Variants in ZNF316 observed in about 807,000 individuals in gnomAD.
ZNF316 encodes the protein zinc finger protein 316.
A neutral mutation model predicts 75.6 loss-of-function variants in ZNF316; 23 were observed. The ratio of observed to expected loss-of-function variants is 0.30; its 90% CI spans 0.22 to 0.43. The LOEUF is 0.43. ZNF316 is among the 20% of genes least tolerant of loss of function. ZNF316 has a pLI of 1.00. For synonymous variants in ZNF316, 827 were observed against 666.2 expected (o/e 1.24, Z -3.72); for missense variants, 1,266 against 1,409.4 (o/e 0.90, Z 1.63).
rs1283069297 is a variant in ZNF316, at chr7:6,657,618, G to T, written c.*3007G>T. ...GGCCAAGGCGGATCCCTTGAGCTCA[G>T]ATGGATTCCTTGAGCTCAGGAGTTC... On this transcript the variant is annotated 3_prime_UTR_variant, in exon 9 of 9. Coordinates refer to ENST00000382252, the MANE Select transcript of ZNF316 (RefSeq NM_001278559.2). 1.3e-5 allele frequency among the ~76,000 whole-genome samples: 2 copies of T among 152,036 alleles called. No homozygotes were observed. The highest frequency in any genetic ancestry group is 4.8e-5 in the African/African-American group (2 of 41,366).
intron 8 of ZNF316, among the ~76,000 whole-genome samples, chr7:6,645,424 C>T (rs1464414049): frequency 2.0e-5 from 3 of 152,188 alleles, no homozygotes; most frequent in Non-Finnish European, 4.4e-5. Context: ...TGGCTCATGC[C>T]TATAATCCCA....
rs1186607953 is a variant in ZNF316, at chr7:6,653,151, C to T, written c.1555C>T (p.Arg519Trp). 52 of 1,181,832 alleles carry T rather than the reference C, an allele frequency of 4.4e-5. No individual in the cohort carries two copies. The East Asian group carries it at 7.0e-4, about 16-fold the overall frequency. The allele number at this position is 1,181,832 out of a possible 1,614,324, so 73.2% of individuals were successfully genotyped here. Residue 519 changes from arginine to tryptophan, a missense_variant, in exon 9 of 9, where the codon CGG (arginine) becomes TGG (tryptophan). By Grantham distance (101) the Arg-to-Trp change is moderately radical. Transcript: ENST00000382252. ...GGAGGCGGGTGGTGACGGCCCCCGG[C>T]GGGAGCCCGGCGAGACGGCGGCCGC... ...CAEAGGDGPR[R>W]EPGETAAAAG...
In ZNF316 at chr7:6,655,145, G is replaced by A. The variant is rs2462660; in HGVS notation, c.*534G>A. The stretch of plus-strand genomic sequence containing the variant: ...TCCCGAAGGTTTAACTGCGCGCGGC[G>A]AGGGGAGGCCTTGTAGGTTTCCAAA... On this transcript the variant is annotated 3_prime_UTR_variant, in exon 9 of 9. Coordinates refer to ENST00000382252, the MANE Select transcript of ZNF316 (RefSeq NM_001278559.2). The A allele has an allele frequency of 0.24, 36,918 of 152,236 alleles. 5,383 individuals are homozygous for A. The highest frequency in any genetic ancestry group is 0.63 in the East Asian group (3,269 of 5,154). 9.4% of individuals were successfully genotyped at this position (152,236 alleles called of 1,614,324 possible). A position where few individuals can be genotyped will look rare whatever the true frequency, so the allele number is the denominator to read the frequency against.
chr7:6,642,233 C>T lies in ZNF316; in HGVS notation c.-28-149C>T, dbSNP rs915657335. ...TGCAGGGTAAGATCGTGGGAAGGCC[C>T]GGTCCTCCCTCATCTCCATTGCCTT... On this transcript the variant is annotated intron_variant, in intron 4 of 8. Transcript: ENST00000382252. The surrounding 1 kb of genome is among the most constrained non-coding windows in gnomAD (Gnocchi z 8.1). The T allele has an allele frequency of 1.2e-5, 5 of 404,920 alleles. No individual in the cohort carries two copies. The highest frequency in any genetic ancestry group is 1.4e-4 in the South Asian group (1 of 7,132). The allele number at this position is 404,920 out of a possible 1,614,324, so 25.1% of individuals were successfully genotyped here.
In ZNF316 at chr7:6,652,521, G is replaced by T; in HGVS notation, c.925G>T (p.Asp309Tyr). The T allele has an allele frequency of 8.1e-7, 1 of 1,231,206 alleles. No individual in the cohort carries two copies. Among genetic ancestry groups the T allele is most frequent in the Non-Finnish European group, 1.0e-6 (1 of 987,570 alleles). The allele number at this position is 1,231,206 out of a possible 1,614,324, so 76.3% of individuals were successfully genotyped here. The change falls in exon 9 of 9, where the codon GAC becomes TAC. Residue 309 changes from aspartate to tyrosine, a missense_variant. By Grantham distance (160) the Asp-to-Tyr change is radical. Around this residue, in one of 3 missense-constraint regions of ZNF316, gnomAD observed 961 missense variants for 990.9 expected, o/e 0.97. Coordinates refer to ENST00000382252, the MANE Select transcript of ZNF316 (RefSeq NM_001278559.2). ...CCCAGGCGGCCTGGGGGTCCTGGCC[G>T]ACGGCTCTGAAGCGAAGCCTTTCCT... is the stretch of plus-strand genomic sequence containing the variant. ...PDPGGLGVLA[D>Y]GSEAKPFLPG...
Position 6,652,358 on chromosome 7 carries a change from C to G in ZNF316, c.762C>G (p.Asp254Glu). The G allele has an allele frequency of 2.4e-6, 3 of 1,232,432 alleles. No homozygotes were observed. The highest frequency in any genetic ancestry group is 3.0e-6 in the Non-Finnish European group (3 of 988,128). The allele number at this position is 1,232,432 out of a possible 1,614,324, so 76.3% of individuals were successfully genotyped here. A position where few individuals can be genotyped will look rare whatever the true frequency, so the allele number is the denominator to read the frequency against. Reference sequence around the variant, plus strand: ...ACCACGAGGAGGAAGACGACGAGGACTTCCTGGCGGAGGTGGCCGAGGAGG... The same window carrying G: ...ACCACGAGGAGGAAGACGACGAGGAGTTCCTGGCGGAGGTGGCCGAGGAGG... ...IEDHEEEDDE[D>E]FLAEVAEEEN... The change falls in exon 9 of 9, where the codon GAC becomes GAG. Residue 254 changes from aspartate (D) to glutamate (E), a missense_variant. By Grantham distance (45) the Asp-to-Glu change is conservative. Transcript: ENST00000382252.
chr7:6,654,768 C>A lies in ZNF316; in HGVS notation c.*157C>A. On this transcript the variant is annotated 3_prime_UTR_variant, in exon 9 of 9. Transcript: ENST00000382252. ...GCCCTGCGGCCCCGGGTCTCATGCC[C>A]GCCGGGTCCGTGTGCTCAGCCGGAG... 1 of 581,788 alleles carries A rather than the reference C, an allele frequency of 1.7e-6. No individual in the cohort carries two copies. The highest frequency in any genetic ancestry group is 2.4e-6 in the Non-Finnish European group (1 of 421,964). The allele number at this position is 581,788 out of a possible 1,614,324, so 36.0% of individuals were successfully genotyped here.
At chr7:6,650,898 C>T (rs1044716514) in intron 8 of ZNF316, among the ~76,000 whole-genome samples, 6 of 152,150 alleles carry the variant, frequency 3.9e-5, no homozygotes, top group Admixed American at 2.6e-4. Context: ...GGGTGCGTCA[C>T]GATGTCTTAG....
chr7:6,654,322 ATACGGGCGAGCGG>A lies in ZNF316; in HGVS notation c.2727_2739del (p.Thr910ProfsTer21). ...GTGCTGGTCACGCACCAGCGCACAC[ATACGGGCGAGCGG>A]CCCTACGCCTGCGCCAACTGCGGCC... On this transcript the variant is annotated frameshift_variant, in exon 9 of 9. Coordinates refer to ENST00000382252, the MANE Select transcript of ZNF316 (RefSeq NM_001278559.2). LOFTEE classifies it high-confidence loss of function. 2 of 1,223,624 alleles carry A rather than the reference ATACGGGCGAGCGG, an allele frequency of 1.6e-6. No individual in the cohort carries two copies. The highest frequency in any genetic ancestry group is 2.0e-6 in the Non-Finnish European group (2 of 982,376). 75.8% of individuals were successfully genotyped at this position (1,223,624 alleles called of 1,614,324 possible). A position where few individuals can be genotyped will look rare whatever the true frequency, so the allele number is the denominator to read the frequency against.
rs140540456 is a variant in ZNF316 at position 6,644,081 on chromosome 7, G to C, written c.592+133G>C. The C allele has an allele frequency of 1.3e-3, 1,388 of 1,043,342 alleles. 32 individuals are homozygous for C. The East Asian group carries it at 0.041, about 31-fold the overall frequency. The allele number at this position is 1,043,342 out of a possible 1,614,324, so 64.6% of individuals were successfully genotyped here. ...GATGCTGGGCCCAGCCCACCTCCCA[G>C]GGAAGCCCTAGGACCCCATGGCCCC... On this transcript the variant is annotated intron_variant, in intron 7 of 8. Transcript: ENST00000382252.
At chr7:6,647,351 A>G (rs1321460461) in intron 8 of ZNF316, among the ~76,000 whole-genome samples, 1 of 152,168 alleles carries the variant, frequency 6.6e-6, no homozygotes, top group Admixed American at 6.5e-5. Flanking sequence ...CCAAGCACCA[A>G]TGTGTGGGGC....
At position 6,640,508 on chromosome 7, in the gene ZNF316, T is replaced by A. The variant is rs560113451; in HGVS notation, c.-166-1317T>A. On this transcript the variant is annotated intron_variant, in intron 3 of 8. Transcript: ENST00000382252. The surrounding 1 kb of genome is among the most constrained non-coding windows in gnomAD (Gnocchi z 5.1). The stretch of plus-strand genomic sequence containing the variant: ...TCCTGTGAACTCATTACTCACTGTC[T>A]CCAAGGGGATGGCCCAAGATTCAGG... 6.6e-6 allele frequency among the ~76,000 whole-genome samples: 1 copy of A among 152,212 alleles called. No individual in the cohort carries two copies. The highest frequency in any genetic ancestry group is 1.9e-4 in the East Asian group (1 of 5,168).
rs542486363 is a variant in ZNF316 at position 6,642,180 on chromosome 7, C to G, written c.-28-202C>G. ...TCACGCGGAGGGGCCATTGGGGCAG[C>G]CTTTCTGGGTACAGAATGTCTTGAT... is the stretch of plus-strand genomic sequence containing the variant. On this transcript the variant is annotated intron_variant, in intron 4 of 8. Coordinates refer to ENST00000382252, the MANE Select transcript of ZNF316 (RefSeq NM_001278559.2). This position sits in a 1 kb window ranked among gnomAD's most constrained non-coding sequence, Gnocchi z 8.1. 1.1e-3 allele frequency: 436 copies of G among 388,074 alleles called. 7 individuals carry two copies. The highest frequency in any genetic ancestry group is 6.6e-4 in the Non-Finnish European group (146 of 219,890). 24.0% of individuals were successfully genotyped at this position (388,074 alleles called of 1,614,324 possible). A position where few individuals can be genotyped will look rare whatever the true frequency, so the allele number is the denominator to read the frequency against.
intron 8 of ZNF316, among the ~76,000 whole-genome samples, chr7:6,644,852 T>C (rs373889490): frequency 5.3e-5 from 8 of 152,278 alleles, no homozygotes; most frequent in African/African-American, 1.9e-4. Flanking sequence ...TTTCTTTGCA[T>C]GTGAGGGGCC....
rs1446204249 is a variant in ZNF316 at position 6,653,969 on chromosome 7, G to C, written c.2373G>C (p.Thr791=). The change falls in exon 9 of 9, where the codon ACG becomes ACC. Residue 791 remains threonine (T), a synonymous_variant. Transcript: ENST00000382252. ...GGTTCAGCCGTCGCGCGCACTTGAC[G>C]GCGCACGGGCGCGCGCACACCGGGG... is the stretch of plus-strand genomic sequence containing the variant. ...GAGFSRRAHL[T]AHGRAHTGER... 8.6e-7 allele frequency: 1 copy of C among 1,166,900 alleles called. No individual in the cohort carries two copies. 72.3% of individuals were successfully genotyped at this position (1,166,900 alleles called of 1,614,324 possible). A position where few individuals can be genotyped will look rare whatever the true frequency, so the allele number is the denominator to read the frequency against.
At chr7:6,643,573 G>C (rs930771596) in intron 6 of ZNF316, among the ~76,000 whole-genome samples, 3 of 152,284 alleles carry the variant, frequency 2.0e-5, no homozygotes, top group African/African-American at 7.2e-5. Flanking sequence ...CCTGTCTCCT[G>C]GCCTCTGCTT....
intron 8 of ZNF316, among the ~76,000 whole-genome samples, chr7:6,644,917 G>A (rs991854009): frequency 3.1e-4 from 47 of 152,352 alleles, no homozygotes; most frequent in African/African-American, 1.1e-3. Flanking sequence ...GCACGCCATC[G>A]CGGAGGCCTT....
chr7:6,652,279 C>G, intron 8 of ZNF316, 24 bp from the exon 9 acceptor site: 1 of 1,232,282 alleles, frequency 8.1e-7, no homozygotes, highest in Non-Finnish European at 1.0e-6. Context: ...CCTCTCTCTT[C>G]TGGCCTGCCT....
Position 6,643,016 on chromosome 7 carries a change from GGAGGAA to G in ZNF316, c.414_419del (p.Glu141_Glu142del). 1 of 1,239,602 alleles carries G rather than the reference GGAGGAA, an allele frequency of 8.1e-7. No homozygotes were observed. Among genetic ancestry groups the G allele is most frequent in the East Asian group, 3.1e-5 (1 of 32,058 alleles). The allele number at this position is 1,239,602 out of a possible 1,614,324, so 76.8% of individuals were successfully genotyped here. On this transcript the variant is annotated inframe_deletion, in exon 6 of 9. Transcript: ENST00000382252. ...CTCCTAGGGATGAGGACCTGGAGGA[GGAGGAA>G]GAGGAGGAGGAGGATGAGGACGAGG...
Sources: allele counts gnomAD v4.1 joint callset (sites outside exome capture counted in the v4.1 genomes callset), GRCh38; gene constraint gnomAD v4.1.1; regional missense constraint gnomAD v4.1.1; non-coding constraint Gnocchi (gnomAD v3.1); transcripts MANE v1.5; gene names NCBI Gene and HGNC (gene_info 2026-07-23, HGNC 2026-07-21).